Variants in SKAP2 observed in about 807,000 individuals in gnomAD.
The protein encoded by SKAP2 is src kinase-associated phosphoprotein 2.
Under a neutral mutation model 54.9 loss-of-function variants are expected in SKAP2, and 28 were observed. The ratio of observed to expected loss-of-function variants is 0.51; its 90% CI spans 0.38 to 0.70. SKAP2 has a LOEUF of 0.70. Among genes scored for constraint, SKAP2 ranks in the 30% least tolerant of loss-of-function variants. SKAP2 has a pLI of 0.00. For missense variants in SKAP2, 356 were observed against 424.1 expected (o/e 0.84, Z 1.41); for synonymous variants, 137 against 134.3 (o/e 1.02, Z -0.14).
At chr7:26,695,913 G>A (rs111944110) in intron 9 of SKAP2, among the ~76,000 whole-genome samples, 1,882 of 152,212 alleles carry the variant, frequency 0.012, 38 homozygotes, top group African/African-American at 0.042. Flanking sequence ...GGACACCACC[G>A]GCTAGTCCTA....
chr7:26,778,136 TG>T (rs199806764), intron 4 of SKAP2, among the ~76,000 whole-genome samples: 5,476 of 152,040 alleles, frequency 0.036, 327 homozygotes, highest in African/African-American at 0.13. Context: ...GTCTAAAAGT[TG>T]TTTGTTCTAG....
At chr7:26,745,517 A>C (rs560371211) in intron 4 of SKAP2, among the ~76,000 whole-genome samples, 3 of 152,330 alleles carry the variant, frequency 2.0e-5, no homozygotes, top group African/African-American at 7.2e-5. Context: ...GCTTCGTTTT[A>C]TCTCTTCTAA....
chr7:26,746,534 G>C (rs1782562789), intron 4 of SKAP2: 1 of 151,158 alleles, frequency 6.6e-6, no homozygotes, highest in Admixed American at 6.6e-5. Flanking sequence ...CACATATCCA[G>C]AAGCTTAGCT....
rs141436037 is a variant in SKAP2, at chr7:26,669,620, C to G, written c.*46G>C. On this transcript the variant is annotated 3_prime_UTR_variant, in exon 13 of 13. Transcript: ENST00000345317. ...CGTGCTTTCATGACGCTTCTAAATC[C>G]AAAGCATTTGCAGACAAGCAGAAGA... The G allele has an allele frequency of 6.6e-6, 1 of 152,282 alleles. No individual in the cohort carries two copies. The highest frequency in any genetic ancestry group is 1.9e-4 in the East Asian group (1 of 5,162). 9.4% of individuals were successfully genotyped at this position (152,282 alleles called of 1,614,324 possible). A position where few individuals can be genotyped will look rare whatever the true frequency, so the allele number is the denominator to read the frequency against.
At chr7:26,749,417 A>G (rs545378110) in intron 4 of SKAP2, among the ~76,000 whole-genome samples, 2 of 152,252 alleles carry the variant, frequency 1.3e-5, no homozygotes, top group South Asian at 2.1e-4. Context: ...GGCATCTTAA[A>G]AGTCAAACAA....
intron 11 of SKAP2, among the ~76,000 whole-genome samples, chr7:26,675,946 A>G (rs750456818): frequency 8.5e-5 from 13 of 152,228 alleles, no homozygotes; most frequent in Admixed American, 3.9e-4. Context: ...GAAAAAATGA[A>G]TTCAGTTTAA....
chr7:26,658,500 A>C, the SKAP2 span, among the ~76,000 whole-genome samples: 5 of 152,294 alleles, frequency 3.3e-5, 1 homozygote, highest in East Asian at 9.6e-4. Context: ...CCAGTATCAG[A>C]TCAAATGGAG....
At chr7:26,862,517 G>GA (rs1785290828) in intron 1 of SKAP2, among the ~76,000 whole-genome samples, 1 of 151,952 alleles carries the variant, frequency 6.6e-6, no homozygotes, top group African/African-American at 2.4e-5. Context: ...ATAAAATAGT[G>GA]AAAATGTCAA....
intron 9 of SKAP2, among the ~76,000 whole-genome samples, chr7:26,701,920 G>A (rs1259210417): frequency 6.6e-6 from 1 of 151,514 alleles, no homozygotes; most frequent in African/African-American, 2.4e-5. Flanking sequence ...CAATATTTTT[G>A]CTTATTCTTT....
chr7:26,666,726 ATAAAG>A (rs775849261), downstream of SKAP2, among the ~76,000 whole-genome samples: 17 of 152,206 alleles, frequency 1.1e-4, no homozygotes, highest in Non-Finnish European at 2.1e-4. Flanking sequence ...TTCCAATAAA[ATAAAG>A]TATTCAAAAC....
intron 4 of SKAP2, among the ~76,000 whole-genome samples, chr7:26,798,287 T>C (rs1783827237): frequency 6.6e-6 from 1 of 151,896 alleles, no homozygotes; most frequent in Admixed American, 6.6e-5. Flanking sequence ...ATGACATGTT[T>C]AAAGTACCAA....
chr7:26,722,935 T>G (rs575183176), intron 9 of SKAP2, among the ~76,000 whole-genome samples: 12 of 152,324 alleles, frequency 7.9e-5, no homozygotes, highest in African/African-American at 2.9e-4. Flanking sequence ...AATGCATAAT[T>G]GACAGAAAAT....
intron 11 of SKAP2, among the ~76,000 whole-genome samples, chr7:26,680,850 G>A (rs1786475632): frequency 6.6e-6 from 1 of 151,936 alleles, no homozygotes; most frequent in Admixed American, 6.6e-5. Flanking sequence ...ATTGGAAAAT[G>A]TTAAAAAGGG....
chr7:26,715,630 T>C (rs887652540), intron 9 of SKAP2, among the ~76,000 whole-genome samples: 16 of 151,952 alleles, frequency 1.1e-4, no homozygotes, highest in African/African-American at 3.9e-4. Context: ...TACTAAAATA[T>C]TGGCCAGGCA....
chr7:26,751,789 TC>T (rs1323350419), intron 4 of SKAP2, among the ~76,000 whole-genome samples: 1 of 141,330 alleles, frequency 7.1e-6, no homozygotes. Flanking sequence ...TGCCTCCTTC[TC>T]CCCCCAAAAA....
rs888476302 is a variant in SKAP2, at chr7:26,864,567, G to A, written c.-138C>T. 18 of 1,424,982 alleles carry A rather than the reference G, an allele frequency of 1.3e-5. No individual in the cohort carries two copies. The African/African-American group carries it at 1.5e-4, about 12-fold the overall frequency. The allele number at this position is 1,424,982 out of a possible 1,614,324, so 88.3% of individuals were successfully genotyped here. Reference sequence around the variant, plus strand: ...GGGCTACGAGTCGGGACACTGCCGGGCCGGGGCTCACAACAAGGAAGTCAC... The same window carrying A: ...GGGCTACGAGTCGGGACACTGCCGGACCGGGGCTCACAACAAGGAAGTCAC... On this transcript the variant is annotated 5_prime_UTR_variant, in exon 1 of 13. Coordinates refer to ENST00000345317, the MANE Select transcript of SKAP2 (RefSeq NM_003930.5).
intron 1 of SKAP2, among the ~76,000 whole-genome samples, chr7:26,857,110 C>G (rs947978408): frequency 6.8e-6 from 1 of 146,266 alleles, no homozygotes; most frequent in Admixed American, 6.8e-5. Flanking sequence ...TAGGAAGAAT[C>G]GGTATTTTTC....
Position 26,854,178 on chromosome 7 carries a change from C to T in SKAP2, c.174-16G>A, listed in dbSNP as rs749446692. The T allele has an allele frequency of 3.2e-6, 5 of 1,545,488 alleles. No homozygotes were observed. In the South Asian group the frequency reaches 6.1e-5, roughly 19 times the overall value. On this transcript the variant is annotated splice_polypyrimidine_tract_variant and intron_variant, in intron 2 of 12. Transcript: ENST00000345317. ...CTGAAGATAGCTACAAAACAAAGAA[C>T]ATATTTTTAAATGAGGTTGAAAAAT... is the stretch of plus-strand genomic sequence containing the variant.
At chr7:26,724,188 T>A (rs1787645558) in intron 9 of SKAP2, among the ~76,000 whole-genome samples, 1 of 152,174 alleles carries the variant, frequency 6.6e-6, no homozygotes, top group South Asian at 2.1e-4. Context: ...GTTAAAATTA[T>A]TACTTTTTAC....
Sources: gnomAD v4.1 joint callset for allele counts (sites outside exome capture counted in the v4.1 genomes callset) on GRCh38, gnomAD v4.1.1 for gene constraint, MANE v1.5 for transcripts, NCBI Gene and HGNC (gene_info 2026-07-23, HGNC 2026-07-21) for gene names.